TEX11: variants seen among roughly 807,000 people sequenced by gnomAD.
TEX11 encodes testis expressed 11, also known as testis-expressed protein 11.
In TEX11, 7 loss-of-function variants were observed where a neutral mutation model predicts 84.4. That is an observed-to-expected ratio of 0.08 (90% CI 0.05 to 0.16). TEX11 has a LOEUF of 0.16. Ranked by LOEUF, TEX11 falls within the 10% of genes least tolerant of loss-of-function variation. TEX11 has a pLI of 1.00. For synonymous variants in TEX11, 264 were observed against 222.8 expected (o/e 1.18, Z -1.64); for missense variants, 551 against 660.5 (o/e 0.83, Z 1.82).
At chrX:70,609,571 G>A (rs2089235381) in intron 21 of TEX11, among the ~76,000 whole-genome samples, 1 of 112,437 alleles carries the variant, frequency 8.9e-6, no homozygotes, top group Middle Eastern at 4.6e-3. Context: ...AGCAAGCTCA[G>A]GACAGAACCA....
At chrX:70,783,553 G>T (rs898110320) in intron 9 of TEX11, among the ~76,000 whole-genome samples, 1 of 111,299 alleles carries the variant, frequency 9.0e-6, no homozygotes, top group African/African-American at 3.3e-5. Flanking sequence ...TTTTTGAAAA[G>T]ATCAACAAAA....
At chrX:70,778,284 C>A (rs955468297) in intron 9 of TEX11, among the ~76,000 whole-genome samples, 1 of 111,335 alleles carries the variant, frequency 9.0e-6, no homozygotes, top group African/African-American at 3.3e-5. Flanking sequence ...AACAGCAATA[C>A]AACAATAGTA....
Position 70,683,819 on chromosome X carries a change from A to T in TEX11, c.1005-994T>A, listed in dbSNP as rs772990257. On this transcript the variant is annotated intron_variant, in intron 13 of 29. Coordinates refer to ENST00000374333, the MANE Select transcript of TEX11 (RefSeq NM_031276.3). ...TAATGAAAATGTGTGGAACTGGCATAAAGATAGACATATAGACCAATGGAA... is the reference window on the plus strand; with the variant it reads ...TAATGAAAATGTGTGGAACTGGCATTAAGATAGACATATAGACCAATGGAA... Among the ~76,000 whole-genome samples the T allele has an allele frequency of 6.2e-5, 7 of 112,204 alleles. No individual in the cohort carries two copies. In the South Asian group the frequency reaches 2.6e-3, roughly 42 times the overall value.
intron 9 of TEX11, among the ~76,000 whole-genome samples, chrX:70,782,723 A>AGT: frequency 9.1e-6 from 1 of 109,531 alleles, no homozygotes; most frequent in Non-Finnish European, 1.9e-5. Context: ...AAAGATCAAA[A>AGT]AAGACAAAGA....
intron 2 of TEX11, among the ~76,000 whole-genome samples, chrX:70,894,273 A>T (rs1047362780): frequency 1.8e-5 from 2 of 111,216 alleles, no homozygotes; most frequent in Admixed American, 1.9e-4. Context: ...ACACACACGA[A>T]AAAAGAAAAT....
chrX:70,537,918 G>A (rs1488654874), intron 28 of TEX11, among the ~76,000 whole-genome samples: 2 of 111,586 alleles, frequency 1.8e-5, no homozygotes, highest in Admixed American at 1.9e-4. Flanking sequence ...GACAACATTG[G>A]TGATGAAGAG....
At chrX:70,834,573 T>C (rs1405509835) in intron 7 of TEX11, among the ~76,000 whole-genome samples, 5 of 110,491 alleles carry the variant, frequency 4.5e-5, no homozygotes, top group African/African-American at 1.7e-4. Context: ...TTGACCAACA[T>C]GGTGAAATCC....
At chrX:70,799,903 C>T (rs768240958) in intron 9 of TEX11, among the ~76,000 whole-genome samples, 8 of 111,594 alleles carry the variant, frequency 7.2e-5, no homozygotes, top group Non-Finnish European at 1.5e-4. Context: ...TTAATCATCA[C>T]TCCTCTTCAA....
At chrX:70,621,551 A>AAAAAAAAAAAAG (rs1569360891) in intron 20 of TEX11, among the ~76,000 whole-genome samples, 1 of 7,814 alleles carries the variant, frequency 1.3e-4, no homozygotes, top group Non-Finnish European at 2.4e-4. Flanking sequence ...AAAAAAAAAA[A>AAAAAAAAAAAAG]ATATATATAT....
At chrX:70,705,372 T>C (rs937212144) in intron 13 of TEX11, among the ~76,000 whole-genome samples, 7 of 111,672 alleles carry the variant, frequency 6.3e-5, no homozygotes, top group Non-Finnish European at 1.1e-4. Flanking sequence ...ATTGAATCTA[T>C]AAATTACCTT....
chrX:70,601,610 A>G (rs2089114757), intron 24 of TEX11, among the ~76,000 whole-genome samples: 1 of 92,033 alleles, frequency 1.1e-5, no homozygotes, highest in Non-Finnish European at 2.1e-5. Flanking sequence ...GTCATAGGAC[A>G]ATAGTGGAGG....
At chrX:70,902,379 G>A (rs1179768238) in intron 2 of TEX11, among the ~76,000 whole-genome samples, 2 of 111,786 alleles carry the variant, frequency 1.8e-5, no homozygotes, top group Non-Finnish European at 3.8e-5. Context: ...GAATATATGT[G>A]AAGGTCTAGG....
At chrX:70,795,833 C>T (rs918278276) in intron 9 of TEX11, among the ~76,000 whole-genome samples, 3 of 111,358 alleles carry the variant, frequency 2.7e-5, no homozygotes, top group Admixed American at 9.6e-5. Flanking sequence ...AAACATAGCA[C>T]ACAACATGCA....
chrX:70,567,111 C>T (rs1397921660), intron 25 of TEX11, among the ~76,000 whole-genome samples: 1 of 111,302 alleles, frequency 9.0e-6, no homozygotes. Context: ...AGTGATTCAA[C>T]TTCTTCCTGG....
At chrX:70,549,534 C>G (rs772848551) in intron 28 of TEX11, among the ~76,000 whole-genome samples, 3 of 111,288 alleles carry the variant, frequency 2.7e-5, no homozygotes, top group Non-Finnish European at 5.7e-5. Flanking sequence ...AGAGAGGAGC[C>G]CACTTCTCTG....
chrX:70,669,286 C>G (rs149803402), intron 16 of TEX11, among the ~76,000 whole-genome samples: 1 of 111,874 alleles, frequency 8.9e-6, no homozygotes, highest in Non-Finnish European at 1.9e-5. Flanking sequence ...CCTTCCCAAG[C>G]TGCCTAGCTC....
intron 16 of TEX11, among the ~76,000 whole-genome samples, chrX:70,656,769 G>A (rs1278508349): frequency 8.9e-6 from 1 of 112,145 alleles, no homozygotes; most frequent in African/African-American, 3.2e-5. Flanking sequence ...AGCATGATGG[G>A]GAAACTGGAG....
At chrX:70,856,720 T>C (rs1281975154) in intron 5 of TEX11, among the ~76,000 whole-genome samples, 1 of 111,123 alleles carries the variant, frequency 9.0e-6, no homozygotes, top group African/African-American at 3.3e-5. Context: ...ATTATCAGTT[T>C]ACAGAAAATA....
At chrX:70,563,667 G>GT (rs142718154) in intron 25 of TEX11, among the ~76,000 whole-genome samples, 14,176 of 111,995 alleles carry the variant, frequency 0.13, 724 homozygotes, top group Middle Eastern at 0.19. Context: ...TTGTTTTCAA[G>GT]TAATGTTTAT....
Sources: gnomAD v4.1 joint callset for allele counts (sites outside exome capture counted in the v4.1 genomes callset) on GRCh38, gnomAD v4.1.1 for gene constraint, MANE v1.5 for transcripts, NCBI Gene and HGNC (gene_info 2026-07-23, HGNC 2026-07-21) for gene names.